AFAP1L2: variants seen among roughly 807,000 people sequenced by gnomAD.
AFAP1L2 encodes actin filament associated protein 1 like 2.
Under a neutral mutation model 99.3 loss-of-function variants are expected in AFAP1L2, and 46 were observed. That is an observed-to-expected ratio of 0.46 (90% CI 0.37 to 0.59). The LOEUF (loss-of-function observed/expected upper bound fraction) is 0.59, where lower values mean the gene tolerates loss of function less well. Among genes scored for constraint, AFAP1L2 ranks in the 20% least tolerant of loss-of-function variants. The probability of loss-of-function intolerance (pLI) is 0.00; values close to 1 mark genes in which losing one functional copy is unlikely to be tolerated. For synonymous variants in AFAP1L2, 397 were observed against 419.1 expected (o/e 0.95, Z 0.64); for missense variants, 959 against 1,034.9 (o/e 0.93, Z 1.01).
chr10:114,353,247 G>A (rs886133180), intron 1 of AFAP1L2, among the ~76,000 whole-genome samples: 2 of 152,174 alleles, frequency 1.3e-5, no homozygotes, highest in Non-Finnish European at 1.5e-5. Flanking sequence ...TCCAGAAACA[G>A]TCCGCCTGAG....
At chr10:114,310,518 C>A (rs973256644) in intron 7 of AFAP1L2, 75 bp from the exon 8 acceptor site, 59 of 1,375,250 alleles carry the variant, frequency 4.3e-5, no homozygotes, top group Non-Finnish European at 5.4e-5. Context: ...GAAGCCAGGG[C>A]CCCTGCAGGT....
At chr10:114,322,551 T>G (rs2045540775) in intron 5 of AFAP1L2, among the ~76,000 whole-genome samples, 1 of 152,252 alleles carries the variant, frequency 6.6e-6, no homozygotes, top group South Asian at 2.1e-4. Context: ...AGTCATGCTA[T>G]CAGAGAAGCC....
intron 1 of AFAP1L2, among the ~76,000 whole-genome samples, chr10:114,364,887 C>G (rs751086371): frequency 6.6e-6 from 1 of 152,146 alleles, no homozygotes; most frequent in Non-Finnish European, 1.5e-5. Context: ...TGCTCCTTCT[C>G]GGGTCATGAA....
At chr10:114,315,501 T>A in intron 6 of AFAP1L2, 59 bp downstream of exon 6, 1 of 1,489,158 alleles carries the variant, frequency 6.7e-7, no homozygotes, top group South Asian at 1.2e-5. Flanking sequence ...TCCTTCCCTG[T>A]CCCTGCCCCT....
At chr10:114,339,558 T>C (rs901631531) in intron 2 of AFAP1L2, among the ~76,000 whole-genome samples, 1 of 152,254 alleles carries the variant, frequency 6.6e-6, no homozygotes, top group Admixed American at 6.5e-5. Context: ...ACCATTGTTA[T>C]GGGGTGAAGT....
chr10:114,362,482 G>A (rs1016791832), intron 1 of AFAP1L2, among the ~76,000 whole-genome samples: 11 of 152,296 alleles, frequency 7.2e-5, no homozygotes, highest in African/African-American at 2.6e-4. Flanking sequence ...GGCAGAGACG[G>A]GAGTGATGCC....
At chr10:114,317,516 G>C (rs1406858343) in intron 5 of AFAP1L2, among the ~76,000 whole-genome samples, 1 of 152,156 alleles carries the variant, frequency 6.6e-6, no homozygotes, top group Non-Finnish European at 1.5e-5. Context: ...CATACTCTTT[G>C]ATCCAATAAT....
At chr10:114,311,351 T>C (rs538385441) in intron 7 of AFAP1L2, among the ~76,000 whole-genome samples, 1 of 152,224 alleles carries the variant, frequency 6.6e-6, no homozygotes, top group East Asian at 2.0e-4. Flanking sequence ...AAACGCAGAA[T>C]TAGTTAGAGT....
At chr10:114,322,079 G>A (rs971836662) in intron 5 of AFAP1L2, among the ~76,000 whole-genome samples, 1 of 152,078 alleles carries the variant, frequency 6.6e-6, no homozygotes, top group Non-Finnish European at 1.5e-5. Flanking sequence ...TTTATAAAGG[G>A]GAGTTTCCCT....
chr10:114,330,745 A>AGG (rs1275890274), intron 4 of AFAP1L2, among the ~76,000 whole-genome samples: 1 of 152,234 alleles, frequency 6.6e-6, no homozygotes, highest in Non-Finnish European at 1.5e-5. Flanking sequence ...ATTAATGGAT[A>AGG]TTTAGGTATG....
At chr10:114,325,875 C>G in intron 4 of AFAP1L2, 5 of 1,286,560 alleles carry the variant, frequency 3.9e-6, no homozygotes, top group Non-Finnish European at 5.1e-6. Context: ...GGAAAGGGTC[C>G]TCTCGCCTCT....
At chr10:114,353,905 G>T (rs1440143686) in intron 1 of AFAP1L2, among the ~76,000 whole-genome samples, 1 of 152,184 alleles carries the variant, frequency 6.6e-6, no homozygotes, top group South Asian at 2.1e-4. Flanking sequence ...TAGAGCAGAG[G>T]CATGGCATCT....
intron 7 of AFAP1L2, 49 bp from the exon 8 acceptor site, chr10:114,310,492 C>T: frequency 6.5e-6 from 10 of 1,545,774 alleles, no homozygotes; most frequent in Non-Finnish European, 8.8e-6. Flanking sequence ...CTCTGGCCAG[C>T]ACTCACAGCC....
chr10:114,373,318 C>T (rs760250875), intron 1 of AFAP1L2, among the ~76,000 whole-genome samples: 9 of 152,108 alleles, frequency 5.9e-5, no homozygotes, highest in Non-Finnish European at 1.3e-4. Context: ...AGGAAAATCC[C>T]TTCCTCCCCA....
chr10:114,327,137 T>A (rs1239088174), intron 4 of AFAP1L2, among the ~76,000 whole-genome samples: 1 of 39,948 alleles, frequency 2.5e-5, no homozygotes, highest in Non-Finnish European at 6.4e-5. Context: ...ACCGTGAATT[T>A]TATATATATT....
chr10:114,375,537 A>G (rs560505785), intron 1 of AFAP1L2, among the ~76,000 whole-genome samples: 1 of 152,228 alleles, frequency 6.6e-6, no homozygotes, highest in African/African-American at 2.4e-5. Flanking sequence ...AATTTTTTTT[A>G]GTGGGGGTAA....
intron 1 of AFAP1L2, among the ~76,000 whole-genome samples, chr10:114,401,655 A>G (rs1438598147): frequency 1.3e-5 from 2 of 152,118 alleles, no homozygotes; most frequent in African/African-American, 2.4e-5. Flanking sequence ...TGCTTGGGTG[A>G]GTCATGGCTA....
intron 18 of AFAP1L2, 71 bp downstream of exon 18, chr10:114,296,907 G>A (rs746577748): frequency 1.9e-6 from 3 of 1,611,388 alleles, no homozygotes; most frequent in Non-Finnish European, 1.7e-6. Context: ...GCACCACCTG[G>A]GTCAGAAGAT....
At chr10:114,316,675 T>C (rs780564098) in intron 5 of AFAP1L2, among the ~76,000 whole-genome samples, 3 of 152,236 alleles carry the variant, frequency 2.0e-5, no homozygotes, top group Non-Finnish European at 4.4e-5. Flanking sequence ...CAAGTCCTAC[T>C]GCTCTATTCA....
Sources: allele counts gnomAD v4.1 joint callset (sites outside exome capture counted in the v4.1 genomes callset), GRCh38; gene constraint gnomAD v4.1.1; transcripts MANE v1.5; gene names NCBI Gene and HGNC (gene_info 2026-07-23, HGNC 2026-07-21).